GRID2: variants seen among roughly 807,000 people sequenced by gnomAD.
The protein encoded by GRID2 is glutamate receptor ionotropic, delta-2.
Under a neutral mutation model 114.8 loss-of-function variants are expected in GRID2, and 33 were observed. The observed-to-expected ratio is 0.29, with a 90% CI of 0.22 to 0.38. The LOEUF (loss-of-function observed/expected upper bound fraction) is 0.38, where lower values mean the gene tolerates loss of function less well. GRID2 is among the 10% of genes least tolerant of loss of function. GRID2 has a pLI of 1.00. For missense variants in GRID2, 1,184 were observed against 1,257.7 expected, an observed-to-expected ratio of 0.94 and a Z score of 0.89; for synonymous variants, 505 against 449.9, an observed-to-expected ratio of 1.12 and a Z score of -1.55.
intron 1 of GRID2, among the ~76,000 whole-genome samples, chr4:92,561,686 T>C (rs74673281): frequency 0.015 from 2,344 of 152,318 alleles, 55 homozygotes; most frequent in African/African-American, 0.054. Context: ...ATGTAGAAGA[T>C]ATACAACTTT....
intron 9 of GRID2, among the ~76,000 whole-genome samples, chr4:93,410,611 T>C (rs1767017590): frequency 6.6e-6 from 1 of 152,206 alleles, no homozygotes; most frequent in Non-Finnish European, 1.5e-5. Context: ...GAGACAGAGT[T>C]TCACTCTTGT....
chr4:93,211,400 A>T (rs1461106408), intron 5 of GRID2, among the ~76,000 whole-genome samples: 1 of 152,116 alleles, frequency 6.6e-6, no homozygotes, highest in East Asian at 1.9e-4. Flanking sequence ...ATTAAATTTT[A>T]TTTCATAAAA....
chr4:92,804,288 T>A (rs1740310318), intron 2 of GRID2, among the ~76,000 whole-genome samples: 1 of 152,064 alleles, frequency 6.6e-6, no homozygotes, highest in African/African-American at 2.4e-5. Flanking sequence ...TTAATTATTG[T>A]ATTTTACAAA....
At chr4:93,430,120 A>C (rs1022370431) in intron 10 of GRID2, among the ~76,000 whole-genome samples, 1 of 152,150 alleles carries the variant, frequency 6.6e-6, no homozygotes, top group Non-Finnish European at 1.5e-5. Context: ...TTAGTTCATC[A>C]ATGCATTAAC....
intron 14 of GRID2, among the ~76,000 whole-genome samples, chr4:93,631,096 G>A (rs1743204062): frequency 6.6e-6 from 1 of 152,132 alleles, no homozygotes; most frequent in Admixed American, 6.6e-5. Context: ...TTAGAGCTGA[G>A]ACTCAAACCC....
intron 14 of GRID2, among the ~76,000 whole-genome samples, chr4:93,730,199 C>T (rs970275325): frequency 6.6e-6 from 1 of 152,116 alleles, no homozygotes; most frequent in African/African-American, 2.4e-5. Context: ...TAGTGAAATT[C>T]ATAGGAGAGA....
chr4:92,462,745 T>A (rs1323402053), intron 1 of GRID2, among the ~76,000 whole-genome samples: 3 of 152,006 alleles, frequency 2.0e-5, no homozygotes, highest in Non-Finnish European at 4.4e-5. Context: ...AAGACACTTC[T>A]GAATCAATAT....
At chr4:92,569,285 A>G (rs1378802710) in intron 1 of GRID2, among the ~76,000 whole-genome samples, 1 of 152,044 alleles carries the variant, frequency 6.6e-6, no homozygotes, top group African/African-American at 2.4e-5. Flanking sequence ...ATCCATGTCC[A>G]TGCAAATAAC....
intron 2 of GRID2, among the ~76,000 whole-genome samples, chr4:92,639,628 G>A (rs1731245836): frequency 6.6e-6 from 1 of 151,698 alleles, no homozygotes; most frequent in African/African-American, 2.4e-5. Context: ...ATCACATTAA[G>A]ATGTTATGAA....
At chr4:93,267,288 T>G (rs903439657) in intron 8 of GRID2, among the ~76,000 whole-genome samples, 3 of 152,184 alleles carry the variant, frequency 2.0e-5, no homozygotes, top group African/African-American at 7.2e-5. Context: ...CTGCACCCAC[T>G]AACTCTACGC....
intron 2 of GRID2, among the ~76,000 whole-genome samples, chr4:92,620,937 T>TATAATA (rs572412806): frequency 1.3e-3 from 173 of 134,362 alleles, no homozygotes; most frequent in African/African-American, 4.3e-3. Flanking sequence ...AAACTTAAAG[T>TATAATA]ATAATAATAA....
intron 8 of GRID2, among the ~76,000 whole-genome samples, chr4:93,394,715 G>A (rs535640690): frequency 5.7e-4 from 87 of 152,076 alleles, no homozygotes; most frequent in Middle Eastern, 3.4e-3. Flanking sequence ...AAATGTGAAG[G>A]CTCATGGATC....
At chr4:92,516,799 C>A (rs367712085) in intron 1 of GRID2, among the ~76,000 whole-genome samples, 1 of 151,828 alleles carries the variant, frequency 6.6e-6, no homozygotes, top group Non-Finnish European at 1.5e-5. Context: ...CACTGGCTCT[C>A]GACACTCTCA....
intron 11 of GRID2, among the ~76,000 whole-genome samples, chr4:93,487,101 A>T (rs886319423): frequency 6.6e-6 from 1 of 151,734 alleles, no homozygotes; most frequent in Non-Finnish European, 1.5e-5. Flanking sequence ...TATTGGCATA[A>T]ATTTGTACAT....
chr4:92,816,318 CAAAAAA>C (rs764487348), intron 2 of GRID2, among the ~76,000 whole-genome samples: 4 of 48,260 alleles, frequency 8.3e-5, no homozygotes, highest in East Asian at 7.2e-4. Flanking sequence ...TCTGTCTCAC[CAAAAAA>C]AAAAAAAAAA....
intron 13 of GRID2, among the ~76,000 whole-genome samples, chr4:93,565,737 T>G (rs1735348234): frequency 6.6e-6 from 1 of 152,184 alleles, no homozygotes; most frequent in Admixed American, 6.5e-5. Context: ...TCTAACCTCT[T>G]TCTTCATTCT....
At chr4:92,366,253 C>G (rs964205610) in intron 1 of GRID2, among the ~76,000 whole-genome samples, 14 of 152,018 alleles carry the variant, frequency 9.2e-5, no homozygotes, top group African/African-American at 2.7e-4. Flanking sequence ...CTCCATGTTT[C>G]TTAGTTTCCC....
intron 2 of GRID2, among the ~76,000 whole-genome samples, chr4:92,880,345 T>A (rs774240789): frequency 1.3e-5 from 2 of 152,190 alleles, no homozygotes; most frequent in Non-Finnish European, 2.9e-5. Context: ...TTAGATGTCT[T>A]CAAGAGACAG....
chr4:92,893,876 A>T (rs1746971710), intron 2 of GRID2, among the ~76,000 whole-genome samples: 1 of 152,176 alleles, frequency 6.6e-6, no homozygotes, highest in African/African-American at 2.4e-5. Flanking sequence ...TTGGAATCTT[A>T]AATTTCCAAG....
Sources: allele counts gnomAD v4.1 joint callset (sites outside exome capture counted in the v4.1 genomes callset), GRCh38; gene constraint gnomAD v4.1.1; transcripts MANE v1.5; gene names NCBI Gene and HGNC (gene_info 2026-07-23, HGNC 2026-07-21).